Variants in CASK observed in about 807,000 individuals in gnomAD.
The protein encoded by CASK is peripheral plasma membrane protein CASK.
CASK carries 4 observed loss-of-function variants against 82.9 expected under a neutral mutation model. The ratio of observed to expected loss-of-function variants is 0.05; its 90% CI spans 0.02 to 0.11. The LOEUF (loss-of-function observed/expected upper bound fraction) is 0.11. CASK is among the 10% of genes least tolerant of loss of function. CASK has a pLI of 1.00. For synonymous variants in CASK, 259 were observed against 253.5 expected, an observed-to-expected ratio of 1.02 and a Z score of -0.20; for missense variants, 358 against 720.9, an observed-to-expected ratio of 0.50 and a Z score of 5.76.
At chrX:41,716,921 A>T (rs2068071568) in intron 5 of CASK, among the ~76,000 whole-genome samples, 1 of 110,378 alleles carries the variant, frequency 9.1e-6, no homozygotes, top group Non-Finnish European at 1.9e-5. Context: ...CTCAATCTCA[A>T]CTTCCTTGTT....
intron 5 of CASK, among the ~76,000 whole-genome samples, chrX:41,711,844 G>C (rs771837934): frequency 4.5e-5 from 5 of 111,904 alleles, no homozygotes; most frequent in African/African-American, 9.7e-5. Context: ...CTGCAGGGGT[G>C]GGGGGGCCAC....
At chrX:41,765,325 A>C (rs910327284) in intron 3 of CASK, among the ~76,000 whole-genome samples, 3 of 112,439 alleles carry the variant, frequency 2.7e-5, no homozygotes, top group African/African-American at 3.2e-5. Context: ...TAGTCCTTTA[A>C]ATCACAATTT....
At chrX:41,811,227 C>A in intron 2 of CASK, among the ~76,000 whole-genome samples, 1 of 111,787 alleles carries the variant, frequency 8.9e-6, no homozygotes, top group South Asian at 3.8e-4. Flanking sequence ...CTGCACCAAG[C>A]GGACCTAGTA....
intron 8 of CASK, among the ~76,000 whole-genome samples, chrX:41,658,957 CA>C (rs761962278): frequency 9.0e-6 from 1 of 111,283 alleles, no homozygotes; most frequent in East Asian, 2.8e-4. Context: ...GAGTTGCTGT[CA>C]AGGGAAGCAA....
chrX:41,611,960 C>A (rs1264858940), intron 11 of CASK, among the ~76,000 whole-genome samples: 2 of 107,947 alleles, frequency 1.9e-5, no homozygotes, highest in African/African-American at 6.5e-5. Context: ...CTCGGCCTCC[C>A]GAGGTGCCGG....
At chrX:41,819,908 T>C (rs1203454563) in intron 2 of CASK, among the ~76,000 whole-genome samples, 2 of 111,704 alleles carry the variant, frequency 1.8e-5, no homozygotes, top group Admixed American at 9.5e-5. Context: ...ATTAGGACGA[T>C]AAAACAAATT....
intron 3 of CASK, among the ~76,000 whole-genome samples, chrX:41,786,392 T>C (rs1446265612): frequency 1.6e-4 from 15 of 95,308 alleles, no homozygotes; most frequent in Middle Eastern, 5.3e-3. Flanking sequence ...GATTACAACC[T>C]TTTTTTTTTT....
At chrX:41,564,125 GTAGT>G (rs747598784) in intron 16 of CASK, among the ~76,000 whole-genome samples, 3 of 111,724 alleles carry the variant, frequency 2.7e-5, no homozygotes, top group Non-Finnish European at 5.6e-5. Context: ...AAATGCAAGG[GTAGT>G]TTATCATTAG....
intron 2 of CASK, among the ~76,000 whole-genome samples, chrX:41,819,131 AAAT>A (rs1388188683): frequency 1.8e-5 from 2 of 111,569 alleles, no homozygotes; most frequent in Non-Finnish European, 3.8e-5. Context: ...TGATCAATGA[AAAT>A]AATAAACCTC....
intron 15 of CASK, chrX:41,570,994 T>C (rs112454034): frequency 2.1e-3 from 233 of 112,446 alleles, no homozygotes; most frequent in African/African-American, 7.3e-3. Flanking sequence ...TTCTGTACTG[T>C]TTATATTTTA....
At chrX:41,794,002 G>A (rs1249990852) in intron 2 of CASK, among the ~76,000 whole-genome samples, 2 of 112,254 alleles carry the variant, frequency 1.8e-5, no homozygotes, top group Non-Finnish European at 3.8e-5. Flanking sequence ...AGCTAGTGAA[G>A]AGTAGAGGCC....
rs775397507 is a variant in CASK, at chrX:41,673,129, G to C, written c.430-1599C>G. 2.7e-5 allele frequency among the ~76,000 whole-genome samples: 3 copies of C among 112,290 alleles called. No homozygotes were observed. In the East Asian group the frequency reaches 8.4e-4, roughly 31 times the overall value. On this transcript the variant is annotated intron_variant, in intron 5 of 26. Coordinates refer to ENST00000378163, the MANE Select transcript of CASK (RefSeq NM_001367721.1). ...TAGGAAGGAGTAGAAGCTGAAATCA[G>C]AACTCCAAAGTTCTGTATGCCCTTA...
At chrX:41,801,913 C>A (rs746999430) in intron 2 of CASK, among the ~76,000 whole-genome samples, 1 of 111,239 alleles carries the variant, frequency 9.0e-6, no homozygotes, top group South Asian at 3.8e-4. Flanking sequence ...AATGCCCCTA[C>A]GTACCCTTTC....
At chrX:41,529,197 G>C (rs917698878) in intron 25 of CASK, among the ~76,000 whole-genome samples, 7 of 111,842 alleles carry the variant, frequency 6.3e-5, no homozygotes, top group African/African-American at 2.0e-4. Context: ...CCAGCACTCA[G>C]GGGAGCAGAG....
intron 5 of CASK, chrX:41,695,832 G>T: frequency 1.7e-6 from 2 of 1,203,023 alleles, no homozygotes; most frequent in Non-Finnish European, 2.3e-6. Flanking sequence ...TATTTTCATC[G>T]TGGGACTGGT....
At chrX:41,801,256 G>A (rs1193349047) in intron 2 of CASK, among the ~76,000 whole-genome samples, 1 of 112,035 alleles carries the variant, frequency 8.9e-6, no homozygotes, top group Non-Finnish European at 1.9e-5. Context: ...GCTAATTCCT[G>A]TGAGATATGG....
intron 18 of CASK, chrX:41,559,354 C>T (rs1602260537): frequency 7.2e-6 from 1 of 138,155 alleles, no homozygotes; most frequent in African/African-American, 3.1e-5. Context: ...GTATGAACAA[C>T]TGTATCTCAA....
chrX:41,563,318 C>T (rs1390967798), intron 16 of CASK, among the ~76,000 whole-genome samples: 1 of 87,882 alleles, frequency 1.1e-5, no homozygotes, highest in African/African-American at 4.5e-5. Context: ...GATTATGCTA[C>T]TGCATTCCAG....
intron 2 of CASK, among the ~76,000 whole-genome samples, chrX:41,795,674 CAAAT>C (rs1388083698): frequency 9.2e-6 from 1 of 109,235 alleles, no homozygotes; most frequent in African/African-American, 3.3e-5. Flanking sequence ...TAAAAATAAA[CAAAT>C]AAATAAATAA....
Sources: allele counts gnomAD v4.1 joint callset (sites outside exome capture counted in the v4.1 genomes callset), GRCh38; gene constraint gnomAD v4.1.1; transcripts MANE v1.5; gene names NCBI Gene and HGNC (gene_info 2026-07-23, HGNC 2026-07-21).